SEC14L3: variants seen among roughly 807,000 people sequenced by gnomAD.
The protein encoded by SEC14L3 is SEC14 like lipid binding 3, also known as SEC14-like protein 3.
In SEC14L3, 56 loss-of-function variants were observed where a neutral mutation model predicts 57.4. The ratio of observed to expected loss-of-function variants is 0.97; its 90% CI spans 0.79 to 1.22. The LOEUF is 1.22. Among genes scored for constraint, SEC14L3 ranks in the 50% most tolerant of loss-of-function variants. The pLI, the probability that SEC14L3 is intolerant of heterozygous loss-of-function variation, is 0.00. For missense variants in SEC14L3, 485 were observed against 511.7 expected (o/e 0.95, Z 0.50); for synonymous variants, 173 against 194.4 (o/e 0.89, Z 0.92).
chr22:30,448,376 C>T (rs1194199639), exon 13 of SEC14L3: 1 of 152,110 alleles, frequency 6.6e-6, no homozygotes, highest in African/African-American at 2.4e-5. Context: ...GGGAGCCTTT[C>T]AGTCTTGTCG....
In SEC14L3 at chr22:30,459,818, C is replaced by T. The variant is rs1007387431; in HGVS notation, c.*203G>A. ...ACCCTTGCTTTTTCCTCTTCTGCAA[C>T]CTTGGTACCCTCCAAGGTTGTGCCT... On this transcript the variant is annotated 3_prime_UTR_variant, in exon 12 of 12. Coordinates refer to ENST00000215812, the MANE Select transcript of SEC14L3 (RefSeq NM_174975.5). The T allele has an allele frequency of 6.3e-6, 8 of 1,270,330 alleles. No homozygotes were observed. The highest frequency in any genetic ancestry group is 3.1e-4 in the Middle Eastern group (1 of 3,262). The allele number at this position is 1,270,330 out of a possible 1,614,324, so 78.7% of individuals were successfully genotyped here. A position where few individuals can be genotyped will look rare whatever the true frequency, so the allele number is the denominator to read the frequency against.
At chr22:30,460,588 T>C (rs2074650) in intron 11 of SEC14L3, among the ~76,000 whole-genome samples, 107,565 of 152,018 alleles carry the variant, frequency 0.71, 39,090 homozygotes, top group African/African-American at 0.87. Context: ...AATCCCAGCA[T>C]TTTGGGAGGC....
downstream of SEC14L3, among the ~76,000 whole-genome samples, chr22:30,454,540 A>ATAT (rs10677216): frequency 0.045 from 888 of 19,904 alleles, 34 homozygotes; most frequent in African/African-American, 0.2. Context: ...ATCTATAATA[A>ATAT]TATTATATAT....
At chr22:30,469,014 A>G in intron 4 of SEC14L3, 1 of 1,362,146 alleles carries the variant, frequency 7.3e-7, no homozygotes, top group Non-Finnish European at 9.5e-7. Flanking sequence ...AGGTTAACAG[A>G]GCTGGTTCAA....
exon 13 of SEC14L3, chr22:30,449,026 T>A: frequency 1.3e-6 from 2 of 1,498,302 alleles, no homozygotes; most frequent in African/African-American, 2.8e-5. Flanking sequence ...AAGAATTAAC[T>A]GGAGACCACG....
chr22:30,467,275 C>A, intron 5 of SEC14L3, 198 bp from the exon 6 acceptor site: 1 of 280,570 alleles, frequency 3.6e-6, no homozygotes, highest in Non-Finnish European at 5.3e-6. Flanking sequence ...ATCCATCCAT[C>A]CATCCATCTA....
At chr22:30,454,587 T>TTATATATAATCTATAA (rs1569225024), downstream of SEC14L3, among the ~76,000 whole-genome samples, 3 of 72,700 alleles carry the variant, frequency 4.1e-5, no homozygotes, top group Middle Eastern at 6.1e-3. Flanking sequence ...TATAATAATA[T>TTATATATAATCTATAA]TATTATATAT....
At chr22:30,465,515 T>A (rs2146113992) in intron 7 of SEC14L3, among the ~76,000 whole-genome samples, 1 of 149,946 alleles carries the variant, frequency 6.7e-6, no homozygotes, top group African/African-American at 2.5e-5. Flanking sequence ...GTCAGTCAAA[T>A]AACCAGCCAG....
At position 30,470,544 on chromosome 22, in the gene SEC14L3, G is replaced by A; in HGVS notation, c.93C>T (p.Pro31=). 1 of 1,614,172 alleles carries A rather than the reference G, an allele frequency of 6.2e-7. No individual in the cohort carries two copies. Among genetic ancestry groups the A allele is most frequent in the Non-Finnish European group, 8.5e-7 (1 of 1,180,020 alleles). The change falls in exon 2 of 12, where the codon CCC becomes CCT. Residue 31 remains proline, a synonymous_variant. Transcript: ENST00000215812. ...GTAGAAGGAAATAATCATCAGGGTT[G>A]GGCAGGGCAGGAAGCACATCCTGGA... ...ENVQDVLPAL[P]NPDDYFLLRW... is the part of the protein sequence containing the mutation.
chr22:30,453,691 G>C (rs1183524678), intron 12 of SEC14L3, among the ~76,000 whole-genome samples: 1 of 152,188 alleles, frequency 6.6e-6, no homozygotes, highest in Admixed American at 6.5e-5. Context: ...GGGATTACAG[G>C]CGTGAGCCGC....
chr22:30,454,540 A>T (rs867085859), downstream of SEC14L3, among the ~76,000 whole-genome samples: 1 of 20,188 alleles, frequency 5.0e-5, no homozygotes, highest in African/African-American at 3.3e-4. Flanking sequence ...ATCTATAATA[A>T]TATTATATAT....
At chr22:30,455,087 T>TATA (rs1360358052), downstream of SEC14L3, among the ~76,000 whole-genome samples, 4 of 79,844 alleles carry the variant, frequency 5.0e-5, no homozygotes, top group African/African-American at 2.1e-4. Context: ...ATATTAAATA[T>TATA]TTAATATATA....
At chr22:30,454,661 T>C (rs1935056122), downstream of SEC14L3, among the ~76,000 whole-genome samples, 1 of 104,542 alleles carries the variant, frequency 9.6e-6, no homozygotes. Context: ...TATTACTATA[T>C]ATAATCTATA....
intron 12 of SEC14L3, among the ~76,000 whole-genome samples, chr22:30,450,533 C>A (rs1424673520): frequency 6.6e-6 from 1 of 152,156 alleles, no homozygotes; most frequent in African/African-American, 2.4e-5. Context: ...GAACTCCTGA[C>A]CTCAAGTGAT....
At chr22:30,466,522 C>A (rs1935422474) in intron 6 of SEC14L3, 128 bp from the exon 7 acceptor site, 2 of 1,186,924 alleles carry the variant, frequency 1.7e-6, no homozygotes, top group East Asian at 2.4e-5. Flanking sequence ...ATCACCTCCC[C>A]TGGCCTCTGG....
chr22:30,464,946 A>T, intron 7 of SEC14L3, 43 bp from the exon 8 acceptor site: 1 of 1,613,204 alleles, frequency 6.2e-7, no homozygotes, highest in Non-Finnish European at 8.5e-7. Context: ...AAAGAATTAC[A>T]TTGGGCAACC....
chr22:30,461,135 AG>A (rs1311711051), intron 11 of SEC14L3, among the ~76,000 whole-genome samples, 174 bp downstream of exon 11: 1 of 152,170 alleles, frequency 6.6e-6, no homozygotes, highest in Non-Finnish European at 1.5e-5. Context: ...CCTGGTGCAC[AG>A]TAGGTGCTCA....
At chr22:30,462,353 T>C (rs1018917250) in intron 8 of SEC14L3, 161 bp from the exon 9 acceptor site, 2 of 642,112 alleles carry the variant, frequency 3.1e-6, no homozygotes, top group African/African-American at 4.0e-5. Context: ...AGTAAGTGTC[T>C]TTCTCAGCAT....
chr22:30,459,027 C>A (rs1935170069), downstream of SEC14L3, among the ~76,000 whole-genome samples: 1 of 152,014 alleles, frequency 6.6e-6, no homozygotes, highest in African/African-American at 2.4e-5. Flanking sequence ...AACAAACAAA[C>A]AAATAAACAA....
Sources: gnomAD v4.1 joint callset for allele counts (sites outside exome capture counted in the v4.1 genomes callset) on GRCh38, gnomAD v4.1.1 for gene constraint, MANE v1.5 for transcripts, NCBI Gene and HGNC (gene_info 2026-07-23, HGNC 2026-07-21) for gene names.